The following CLNK variants were observed in gnomAD, a reference collection of about 807,000 sequenced individuals.
CLNK encodes cytokine-dependent hematopoietic cell linker.
Under a neutral mutation model 68.6 loss-of-function variants are expected in CLNK, and 74 were observed. The observed-to-expected ratio is 1.08, with a 90% CI of 0.89 to 1.31. CLNK has a LOEUF of 1.31. CLNK is among the 50% of genes most tolerant of loss of function. The pLI, the probability that CLNK is intolerant of heterozygous loss-of-function variation, is 0.00. For missense variants in CLNK, 553 were observed against 515.3 expected, an observed-to-expected ratio of 1.07 and a Z score of -0.71; for synonymous variants, 198 against 172.2, an observed-to-expected ratio of 1.15 and a Z score of -1.17.
intron 2 of CLNK, among the ~76,000 whole-genome samples, chr4:10,617,458 C>G (rs1722280798): frequency 6.6e-6 from 1 of 152,170 alleles, no homozygotes; most frequent in Non-Finnish European, 1.5e-5. Context: ...TGATATGTAA[C>G]TGTAAGGTAT....
chr4:10,683,437 G>A (rs1391453065), intron 1 of CLNK, among the ~76,000 whole-genome samples: 2 of 152,212 alleles, frequency 1.3e-5, no homozygotes, highest in Non-Finnish European at 2.9e-5. Flanking sequence ...CCAGGAGTGA[G>A]TTTAGGGATG....
intron 2 of CLNK, among the ~76,000 whole-genome samples, chr4:10,629,756 G>C (rs9760691): frequency 0.21 from 31,524 of 151,746 alleles, 3,512 homozygotes; most frequent in Middle Eastern, 0.33. Context: ...TGAAGTTCAG[G>C]GGGGAAGGCA....
In CLNK at chr4:10,663,875, G is replaced by T. The variant is rs556704473; in HGVS notation, c.11+3984C>A. Among the ~76,000 whole-genome samples the T allele has an allele frequency of 3.7e-4, 57 of 152,272 alleles. 1 individual carries two copies. In the South Asian group the frequency reaches 0.011, roughly 31 times the overall value. ...TGAGATTAGCACCCTTATAAAAGAG[G>T]TCCCAGAGACATTCCTTGCCTTCTT... is the stretch of plus-strand genomic sequence containing the variant. On this transcript the variant is annotated intron_variant, in intron 2 of 18. Coordinates refer to ENST00000226951, the MANE Select transcript of CLNK (RefSeq NM_052964.4).
chr4:10,605,563 A>G (rs1453596719), intron 2 of CLNK, among the ~76,000 whole-genome samples: 2 of 152,170 alleles, frequency 1.3e-5, no homozygotes, highest in African/African-American at 4.8e-5. Context: ...ACGGTGGCTC[A>G]CACCTGTAAT....
chr4:10,696,225 G>A, the CLNK span, among the ~76,000 whole-genome samples: 4 of 152,224 alleles, frequency 2.6e-5, no homozygotes, highest in South Asian at 2.1e-4. Context: ...GATGGGTCTC[G>A]TGTGCCACCA....
At chr4:10,577,008 G>A (rs1330292528) in intron 4 of CLNK, among the ~76,000 whole-genome samples, 2 of 152,200 alleles carry the variant, frequency 1.3e-5, no homozygotes, top group African/African-American at 2.4e-5. Context: ...GTTGCCATGG[G>A]ATATTCACAT....
At chr4:10,658,749 T>G (rs907578248) in intron 2 of CLNK, among the ~76,000 whole-genome samples, 2 of 152,200 alleles carry the variant, frequency 1.3e-5, no homozygotes, top group South Asian at 4.1e-4. Context: ...CCCGACACAG[T>G]GTCCCTTCTG....
chr4:10,650,977 A>C (rs943174412), intron 2 of CLNK, among the ~76,000 whole-genome samples: 44 of 152,258 alleles, frequency 2.9e-4, no homozygotes. Flanking sequence ...CCTTAGAGAT[A>C]TGCAAATCAA....
At chr4:10,509,111 A>AAG (rs1560193789) in intron 16 of CLNK, among the ~76,000 whole-genome samples, 5 of 151,452 alleles carry the variant, frequency 3.3e-5, no homozygotes. Flanking sequence ...GTCTCAAAAA[A>AAG]AAAAAAAAAA....
At chr4:10,668,944 G>A (rs891586682) in intron 1 of CLNK, among the ~76,000 whole-genome samples, 1 of 152,152 alleles carries the variant, frequency 6.6e-6, no homozygotes, top group African/African-American at 2.4e-5. Context: ...CAGATGAGAG[G>A]AATAGGGTAG....
intron 7 of CLNK, among the ~76,000 whole-genome samples, chr4:10,563,582 G>C (rs558677690): frequency 6.6e-6 from 1 of 152,114 alleles, no homozygotes; most frequent in Non-Finnish European, 1.5e-5. Context: ...TAAACAATGA[G>C]GCTTCCCCTG....
At chr4:10,592,659 C>T (rs1721221734) in intron 3 of CLNK, among the ~76,000 whole-genome samples, 1 of 152,042 alleles carries the variant, frequency 6.6e-6, no homozygotes, top group South Asian at 2.1e-4. Context: ...CTTCCTACTC[C>T]CCCATCAGCC....
chr4:10,664,979 G>C (rs1195144396), intron 2 of CLNK, among the ~76,000 whole-genome samples: 1 of 152,248 alleles, frequency 6.6e-6, no homozygotes, highest in Non-Finnish European at 1.5e-5. Flanking sequence ...GGGTGCACAA[G>C]AGGAAAGAGT....
chr4:10,507,630 ATTTTATT>A (rs746942094), intron 17 of CLNK, among the ~76,000 whole-genome samples: 46 of 151,818 alleles, frequency 3.0e-4, no homozygotes, highest in East Asian at 5.8e-4. Context: ...TGCCTGGCTA[ATTTTATT>A]TTTTATTTTT....
intron 4 of CLNK, among the ~76,000 whole-genome samples, chr4:10,582,776 G>A (rs1428079571): frequency 1.3e-5 from 2 of 151,934 alleles, no homozygotes; most frequent in Admixed American, 1.3e-4. Flanking sequence ...CAAAAAAGAA[G>A]GAAATAAAAA....
chr4:10,671,249 G>A (rs1252582779), intron 1 of CLNK, among the ~76,000 whole-genome samples: 1 of 152,074 alleles, frequency 6.6e-6, no homozygotes, highest in African/African-American at 2.4e-5. Context: ...AGCTGGGTAT[G>A]GTGGTGGGCG....
intron 2 of CLNK, among the ~76,000 whole-genome samples, chr4:10,653,421 T>G (rs150217416): frequency 0.028 from 4,275 of 152,190 alleles, 82 homozygotes; most frequent in Non-Finnish European, 0.042. Flanking sequence ...TTATAGACTA[T>G]TTTTTACAAC....
At chr4:10,661,148 G>A (rs915034777) in intron 2 of CLNK, among the ~76,000 whole-genome samples, 3 of 152,168 alleles carry the variant, frequency 2.0e-5, no homozygotes, top group Non-Finnish European at 2.9e-5. Flanking sequence ...CCTGGAGGTC[G>A]AAAGCAGGGG....
At chr4:10,665,903 G>A (rs1173412001) in intron 2 of CLNK, among the ~76,000 whole-genome samples, 1 of 152,186 alleles carries the variant, frequency 6.6e-6, no homozygotes, top group Non-Finnish European at 1.5e-5. Context: ...TTTGGGAAAA[G>A]CATCTTTGCA....
Sources: gnomAD v4.1 joint callset for allele counts (sites outside exome capture counted in the v4.1 genomes callset) on GRCh38, gnomAD v4.1.1 for gene constraint, MANE v1.5 for transcripts, NCBI Gene and HGNC (gene_info 2026-07-23, HGNC 2026-07-21) for gene names.